ADK: variants seen among roughly 807,000 people sequenced by gnomAD.
The protein encoded by ADK is N6,N6-dimethyladenosine kinase.
A neutral mutation model predicts 44.7 loss-of-function variants in ADK; 24 were observed. The observed-to-expected ratio is 0.54, with a 90% CI of 0.39 to 0.76. The LOEUF (loss-of-function observed/expected upper bound fraction) is 0.76. Ranked by LOEUF, ADK falls within the 30% of genes least tolerant of loss-of-function variation. The probability of loss-of-function intolerance (pLI) is 0.00; values close to 1 mark genes in which losing one functional copy is unlikely to be tolerated. For synonymous variants in ADK, 128 were observed against 142.6 expected, an observed-to-expected ratio of 0.90 and a Z score of 0.73; for missense variants, 321 against 425.1, an observed-to-expected ratio of 0.76 and a Z score of 2.15.
At chr10:74,230,497 G>A (rs1358358293) in intron 3 of ADK, among the ~76,000 whole-genome samples, 13 of 150,770 alleles carry the variant, frequency 8.6e-5, no homozygotes, top group Admixed American at 5.9e-4. Flanking sequence ...TTTGAAACAG[G>A]GTCTCGCTTT....
In ADK at chr10:74,592,672, C is replaced by T. The variant is rs181695764; in HGVS notation, c.762+3355C>T. 3.4e-3 allele frequency among the ~76,000 whole-genome samples: 519 copies of T among 152,132 alleles called. 2 individuals carry two copies. Among genetic ancestry groups the T allele is most frequent in the Middle Eastern group, 0.014 (4 of 294 alleles). ...TCGCCTTTTTCACTTCCTCCATAGCCCCTGACTACCCAGAAGATCCTAGAC... is the reference window on the plus strand; with the variant it reads ...TCGCCTTTTTCACTTCCTCCATAGCTCCTGACTACCCAGAAGATCCTAGAC... On this transcript the variant is annotated intron_variant, in intron 8 of 10. Transcript: ENST00000539909.
At chr10:74,366,364 A>G (rs1842498875) in intron 4 of ADK, among the ~76,000 whole-genome samples, 1 of 152,218 alleles carries the variant, frequency 6.6e-6, no homozygotes, top group Admixed American at 6.5e-5. Flanking sequence ...TTCCTCTGCC[A>G]ATTAAGTAGC....
At chr10:74,432,259 C>G (rs557221527) in intron 6 of ADK, among the ~76,000 whole-genome samples, 5 of 152,154 alleles carry the variant, frequency 3.3e-5, no homozygotes, top group Non-Finnish European at 5.9e-5. Context: ...ACTACCCTAA[C>G]CCCCAACATA....
At chr10:74,323,066 G>A (rs1163228893) in intron 4 of ADK, among the ~76,000 whole-genome samples, 1 of 152,070 alleles carries the variant, frequency 6.6e-6, no homozygotes, top group Admixed American at 6.5e-5. Context: ...ATTAAACATG[G>A]GTACAATTTG....
chr10:74,527,617 G>T, intron 7 of ADK: 1 of 784,932 alleles, frequency 1.3e-6, no homozygotes. Flanking sequence ...TGCAGTGAGA[G>T]CAGCTTCAGG....
chr10:74,708,199 T>G, intron 10 of ADK, 122 bp from the exon 11 acceptor site: 1 of 1,169,210 alleles, frequency 8.6e-7, no homozygotes, highest in Non-Finnish European at 1.2e-6. Context: ...GCACAAGACT[T>G]TCTCTTACTG....
intron 6 of ADK, among the ~76,000 whole-genome samples, chr10:74,477,676 C>A (rs1417985097): frequency 3.3e-5 from 5 of 152,100 alleles, no homozygotes; most frequent in African/African-American, 1.2e-4. Context: ...ATGAGGAAAT[C>A]TTTCTTACCC....
At position 74,565,727 on chromosome 10, in the gene ADK, C is replaced by CAAA. The variant is rs398014155; in HGVS notation, c.727-23535_727-23533dup. Among the ~76,000 whole-genome samples the CAAA allele has an allele frequency of 3.6e-3, 227 of 62,504 alleles. 5 individuals carry two copies. Among genetic ancestry groups the CAAA allele is most frequent in the Middle Eastern group, 9.3e-3 (1 of 108 alleles). The allele number at this position is 62,504 out of a possible 152,430, so 41.0% of individuals were successfully genotyped here. ...GGGCAACAAGAGCGAAACTCCGTCT[C>CAAA]AAAAAAAAAAAAAAAAAAAAAACCA... On this transcript the variant is annotated intron_variant, in intron 7 of 10. Transcript: ENST00000539909.
At position 74,371,787 on chromosome 10, in the gene ADK, AG is replaced by A. The variant is rs1457979770; in HGVS notation, c.274-22351del. 55 of 1,309,290 alleles carry A rather than the reference AG, an allele frequency of 4.2e-5. No homozygotes were observed. In the East Asian group the frequency reaches 1.2e-3, roughly 28 times the overall value. 81.1% of individuals were successfully genotyped at this position (1,309,290 alleles called of 1,614,324 possible). On this transcript the variant is annotated intron_variant, in intron 4 of 10. Coordinates refer to ENST00000539909, the MANE Select transcript of ADK (RefSeq NM_006721.4). Reference sequence around the variant, plus strand: ...TATATCCTCCAGGAATATTGGCCAAAGGGCTGTGCTGAAGTTTGCTGCTGCC... The same window carrying A: ...TATATCCTCCAGGAATATTGGCCAAAGGCTGTGCTGAAGTTTGCTGCTGCC...
chr10:74,590,056 T>G (rs1373454311), intron 8 of ADK, among the ~76,000 whole-genome samples: 1 of 152,192 alleles, frequency 6.6e-6, no homozygotes, highest in Non-Finnish European at 1.5e-5. Flanking sequence ...TTTATCTGTA[T>G]AATACCCCTC....
At chr10:74,247,752 G>A (rs1478513884) in intron 3 of ADK, among the ~76,000 whole-genome samples, 2 of 152,044 alleles carry the variant, frequency 1.3e-5, no homozygotes, top group Non-Finnish European at 2.9e-5. Flanking sequence ...TGTAACCTTA[G>A]CGTCAGAAAG....
At chr10:74,379,398 A>G (rs1159012573) in intron 4 of ADK, among the ~76,000 whole-genome samples, 1 of 152,226 alleles carries the variant, frequency 6.6e-6, no homozygotes, top group African/African-American at 2.4e-5. Flanking sequence ...TCTCCAATCC[A>G]GTTATACACA....
intron 9 of ADK, among the ~76,000 whole-genome samples, chr10:74,648,626 C>T (rs1284408896): frequency 3.3e-5 from 5 of 150,864 alleles, no homozygotes; most frequent in African/African-American, 4.9e-5. Context: ...TGCAGTGAGC[C>T]GAGATCACAC....
At chr10:74,509,224 CA>C (rs1848203092) in intron 6 of ADK, 1 of 149,816 alleles carries the variant, frequency 6.7e-6, no homozygotes, top group Non-Finnish European at 1.5e-5. Flanking sequence ...GACGGAGTCT[CA>C]CTCTGTCGCC....
rs1856700133 is a variant in ADK at position 74,709,001 on chromosome 10, CAT to C, written c.*557_*558del. The C allele has an allele frequency of 6.5e-6, 1 of 153,636 alleles. No individual in the cohort carries two copies. The highest frequency in any genetic ancestry group is 2.0e-4 in the South Asian group (1 of 4,942). The allele number at this position is 153,636 out of a possible 1,614,324, so 9.5% of individuals were successfully genotyped here. A position where few individuals can be genotyped will look rare whatever the true frequency, so the allele number is the denominator to read the frequency against. On this transcript the variant is annotated 3_prime_UTR_variant, in exon 11 of 11. Coordinates refer to ENST00000539909, the MANE Select transcript of ADK (RefSeq NM_006721.4). ...ATAATCTCTTTAATGTGCACTCAAA[CAT>C]GTAATAAACTTTGGATAATTAAATA...
intron 6 of ADK, chr10:74,516,630 C>G (rs1848594677): frequency 1.3e-5 from 2 of 151,900 alleles, no homozygotes; most frequent in Admixed American, 6.6e-5. Flanking sequence ...TTCAAGCGAC[C>G]AAGTAGCCTC....
chr10:74,306,022 G>C (rs372554595), intron 3 of ADK, among the ~76,000 whole-genome samples: 1 of 151,842 alleles, frequency 6.6e-6, no homozygotes, highest in Non-Finnish European at 1.5e-5. Flanking sequence ...ACCATGCCTG[G>C]TCAAGCCATT....
rs554039290 is a variant in ADK at position 74,609,258 on chromosome 10, G to T, written c.877+8765G>T. Among the ~76,000 whole-genome samples, 15 of 152,248 alleles carry T rather than the reference G, an allele frequency of 9.9e-5. No individual in the cohort carries two copies. The East Asian group carries it at 2.9e-3, about 29-fold the overall frequency. ...CCAGGGGAGTGAACAGTTCTGTCTC[G>T]CTGGCGTTCCACACGCCACTGTGGT... On this transcript the variant is annotated intron_variant, in intron 9 of 10. Coordinates refer to ENST00000539909, the MANE Select transcript of ADK (RefSeq NM_006721.4).
chr10:74,549,000 A>G (rs892918471), intron 7 of ADK, among the ~76,000 whole-genome samples: 1 of 152,226 alleles, frequency 6.6e-6, no homozygotes, highest in African/African-American at 2.4e-5. Flanking sequence ...TGCACAGGAT[A>G]CTTTGGAGAA....
Sources: allele counts gnomAD v4.1 joint callset (sites outside exome capture counted in the v4.1 genomes callset), GRCh38; gene constraint gnomAD v4.1.1; transcripts MANE v1.5; gene names NCBI Gene and HGNC (gene_info 2026-07-23, HGNC 2026-07-21).